The following RALGAPA2 variants were observed in gnomAD, a reference collection of about 807,000 sequenced individuals.
RALGAPA2 encodes the protein ral GTPase-activating protein subunit alpha-2.
In RALGAPA2, 139 loss-of-function variants were observed where a neutral mutation model predicts 230.4. That is an observed-to-expected ratio of 0.60 (90% CI 0.53 to 0.69). The LOEUF (loss-of-function observed/expected upper bound fraction) is 0.69. Ranked by LOEUF, RALGAPA2 falls within the 30% of genes least tolerant of loss-of-function variation. The pLI, the probability that RALGAPA2 is intolerant of heterozygous loss-of-function variation, is 0.00. For missense variants in RALGAPA2, 2,163 were observed against 2,276.0 expected, an observed-to-expected ratio of 0.95 and a Z score of 1.01; for synonymous variants, 847 against 837.8, an observed-to-expected ratio of 1.01 and a Z score of -0.19.
intron 4 of RALGAPA2, among the ~76,000 whole-genome samples, chr20:20,645,410 G>A (rs1043869591): frequency 4.6e-5 from 7 of 152,002 alleles, no homozygotes; most frequent in East Asian, 1.9e-4. Flanking sequence ...CACCGTGCCC[G>A]GCCGTTAGTG....
At chr20:20,621,393 G>C (rs925520914) in intron 10 of RALGAPA2, among the ~76,000 whole-genome samples, 8 of 151,488 alleles carry the variant, frequency 5.3e-5, no homozygotes, top group African/African-American at 1.9e-4. Context: ...GTGTTGGCCT[G>C]AATCAGCCAT....
In RALGAPA2 at chr20:20,462,491, A is replaced by G. The variant is rs557691515; in HGVS notation, c.5495+10338T>C. ...CCTTCCTTCCTCCACCCTGGCCCCA[A>G]TGGTCTCTATCTAAGGCTTTCAAAG... is the stretch of plus-strand genomic sequence containing the variant. On this transcript the variant is annotated intron_variant, in intron 37 of 39. Transcript: ENST00000202677. Among the ~76,000 whole-genome samples the G allele has an allele frequency of 1.5e-3, 229 of 152,254 alleles. 2 individuals are homozygous for G. Among genetic ancestry groups the G allele is most frequent in the African/African-American group, 4.8e-3 (200 of 41,542 alleles).
chr20:20,705,058 C>T (rs1217974480), intron 1 of RALGAPA2, among the ~76,000 whole-genome samples: 1 of 152,270 alleles, frequency 6.6e-6, no homozygotes, highest in Non-Finnish European at 1.5e-5. Context: ...CTCTGTGCCA[C>T]TCAAAACCCT....
At chr20:20,700,292 C>T (rs754283274) in intron 1 of RALGAPA2, among the ~76,000 whole-genome samples, 1 of 152,014 alleles carries the variant, frequency 6.6e-6, no homozygotes, top group Non-Finnish European at 1.5e-5. Flanking sequence ...AGACACCGTA[C>T]ACTACCTAGA....
At chr20:20,711,396 C>T (rs1318603548) in intron 1 of RALGAPA2, among the ~76,000 whole-genome samples, 2 of 152,134 alleles carry the variant, frequency 1.3e-5, no homozygotes, top group African/African-American at 2.4e-5. Flanking sequence ...TTCTTTCCTT[C>T]GCCACCAAAT....
intron 37 of RALGAPA2, among the ~76,000 whole-genome samples, chr20:20,451,214 A>G (rs1311744612): frequency 6.6e-6 from 1 of 152,182 alleles, no homozygotes; most frequent in Admixed American, 6.5e-5. Context: ...GAAATTTTAT[A>G]TATTTTTGTT....
intron 35 of RALGAPA2, among the ~76,000 whole-genome samples, chr20:20,503,099 G>A (rs972866534): frequency 6.6e-6 from 1 of 152,128 alleles, no homozygotes; most frequent in Non-Finnish European, 1.5e-5. Context: ...CCAGTACAGG[G>A]TCATCATATT....
chr20:20,422,984 C>G (rs1306094329), intron 37 of RALGAPA2, among the ~76,000 whole-genome samples: 1 of 152,134 alleles, frequency 6.6e-6, no homozygotes, highest in South Asian at 2.1e-4. Flanking sequence ...TTGGAATCTC[C>G]GAAGGTTTTA....
At position 20,486,689 on chromosome 20, in the gene RALGAPA2, T is replaced by C. The variant is rs560780462; in HGVS notation, c.5367+8428A>G. ...CAATATTTCTTCTCCTTTCTCTTCC[T>C]TGTATTCTCATTACATGTTGTTACA... On this transcript the variant is annotated intron_variant, in intron 36 of 39. Transcript: ENST00000202677. Among the ~76,000 whole-genome samples the C allele has an allele frequency of 2.5e-4, 38 of 152,354 alleles. No individual in the cohort carries two copies. In the South Asian group the frequency reaches 7.7e-3, roughly 31 times the overall value.
In RALGAPA2 at chr20:20,389,969, G is replaced by A. The variant is rs1382791298; in HGVS notation, c.*3320C>T. ...AAACATAAGGAAACATTCACTTCAT[G>A]TGTATGTCATATGGACAGACTGAGT... On this transcript the variant is annotated 3_prime_UTR_variant, in exon 40 of 40. Coordinates refer to ENST00000202677, the MANE Select transcript of RALGAPA2 (RefSeq NM_020343.4). 1 of 152,180 alleles carries A rather than the reference G, an allele frequency of 6.6e-6. No homozygotes were observed. 9.4% of individuals were successfully genotyped at this position (152,180 alleles called of 1,614,324 possible).
In RALGAPA2 at chr20:20,405,830, G is replaced by C. The variant is rs146984857; in HGVS notation, c.5617+6197C>G. On this transcript the variant is annotated intron_variant, in intron 38 of 39. Transcript: ENST00000202677. ...GAGGGGACAGATGAAACATAATTACGAGTGTTTGCTCTGCATCTTGCATCA... is the reference window on the plus strand; with the variant it reads ...GAGGGGACAGATGAAACATAATTACCAGTGTTTGCTCTGCATCTTGCATCA... Among the ~76,000 whole-genome samples, 60 of 152,274 alleles carry C rather than the reference G, an allele frequency of 3.9e-4. 2 individuals are homozygous for C. The East Asian group carries it at 9.5e-3, about 24-fold the overall frequency.
At chr20:20,489,755 G>T (rs1313130705) in intron 36 of RALGAPA2, among the ~76,000 whole-genome samples, 1 of 152,234 alleles carries the variant, frequency 6.6e-6, no homozygotes, top group Non-Finnish European at 1.5e-5. Flanking sequence ...GACATTGTGT[G>T]CACCTGTGTG....
At chr20:20,605,068 T>A (rs1009921222) in intron 15 of RALGAPA2, 107 bp downstream of exon 15, 1 of 841,362 alleles carries the variant, frequency 1.2e-6, no homozygotes, top group African/African-American at 1.7e-5. Context: ...CACTGTGTAG[T>A]TGGTTCAGTT....
At chr20:20,584,728 C>T in intron 19 of RALGAPA2, 137 bp downstream of exon 19, 1 of 608,950 alleles carries the variant, frequency 1.6e-6, no homozygotes, top group Non-Finnish European at 2.7e-6. Context: ...CTGCAGTGAG[C>T]CATGATTGTG....
intron 20 of RALGAPA2, among the ~76,000 whole-genome samples, chr20:20,582,744 T>C (rs917423611): frequency 1.3e-5 from 2 of 152,180 alleles, no homozygotes; most frequent in East Asian, 3.8e-4. Flanking sequence ...AACTTACATT[T>C]TATGTATCAA....
At chr20:20,456,540 C>T (rs1205692303) in intron 37 of RALGAPA2, among the ~76,000 whole-genome samples, 1 of 152,246 alleles carries the variant, frequency 6.6e-6, no homozygotes. Flanking sequence ...AGTTCTGAGA[C>T]TTCCAAAGTG....
At position 20,437,226 on chromosome 20, in the gene RALGAPA2, C is replaced by T. The variant is rs570792522; in HGVS notation, c.5496-25078G>A. 9.2e-5 allele frequency among the ~76,000 whole-genome samples: 14 copies of T among 152,336 alleles called. No homozygotes were observed. Among genetic ancestry groups the T allele is most frequent in the Admixed American group, 5.2e-4 (8 of 15,308 alleles). Reference sequence around the variant, plus strand: ...ACTGGCAACCACAAACCACTCTGAACGTCCTGAAGACCGCCTGGTCACTGA... The same window carrying T: ...ACTGGCAACCACAAACCACTCTGAATGTCCTGAAGACCGCCTGGTCACTGA... On this transcript the variant is annotated intron_variant, in intron 37 of 39. Coordinates refer to ENST00000202677, the MANE Select transcript of RALGAPA2 (RefSeq NM_020343.4). The surrounding 1 kb of genome is among the most constrained non-coding windows in gnomAD (Gnocchi z 4.1).
In RALGAPA2 at chr20:20,424,333, C is replaced by T. The variant is rs900550582; in HGVS notation, c.5496-12185G>A. 1.7e-4 allele frequency among the ~76,000 whole-genome samples: 26 copies of T among 152,276 alleles called. 1 individual carries two copies. The highest frequency in any genetic ancestry group is 4.6e-4 in the African/African-American group (19 of 41,558). On this transcript the variant is annotated intron_variant, in intron 37 of 39. Transcript: ENST00000202677. ...TAAAAATGTAAGTGACAAGAAAATTCGTCATTCAGCCTATTTCAAGTCTAG... is the reference window on the plus strand; with the variant it reads ...TAAAAATGTAAGTGACAAGAAAATTTGTCATTCAGCCTATTTCAAGTCTAG...
chr20:20,527,221 T>C (rs1262643990), intron 27 of RALGAPA2, among the ~76,000 whole-genome samples: 1 of 152,144 alleles, frequency 6.6e-6, no homozygotes, highest in African/African-American at 2.4e-5. Flanking sequence ...TCATCAACTT[T>C]TAGTGCCCCA....
Sources: gnomAD v4.1 joint callset for allele counts (sites outside exome capture counted in the v4.1 genomes callset) on GRCh38, gnomAD v4.1.1 for gene constraint, Gnocchi (gnomAD v3.1) non-coding constraint, MANE v1.5 for transcripts, NCBI Gene and HGNC (gene_info 2026-07-23, HGNC 2026-07-21) for gene names.